Variants in DENND1A observed in about 807,000 individuals in gnomAD.
DENND1A encodes the protein DENN domain-containing protein 1A.
DENND1A carries 51 observed loss-of-function variants against 113.7 expected under a neutral mutation model. That is an observed-to-expected ratio of 0.45 (90% CI 0.36 to 0.57). DENND1A has a LOEUF of 0.57. DENND1A is among the 20% of genes least tolerant of loss of function. DENND1A has a pLI of 0.00. For synonymous variants in DENND1A, 565 were observed against 570.8 expected, an observed-to-expected ratio of 0.99 and a Z score of 0.14; for missense variants, 1,258 against 1,395.9, an observed-to-expected ratio of 0.90 and a Z score of 1.57.
chr9:123,517,253 A>AG lies in DENND1A; in HGVS notation c.993+40316dup, dbSNP rs1054663012. On this transcript the variant is annotated intron_variant, in intron 13 of 23. Transcript: ENST00000394215. ...GGGCAACAGAGCAAGACTCCGTCTC[A>AG]GAAAAAAAAAAAACAAAAAACCCAC... Among the ~76,000 whole-genome samples, 22 of 148,560 alleles carry AG rather than the reference A, an allele frequency of 1.5e-4. No homozygotes were observed. The Middle Eastern group carries it at 0.014, about 95-fold the overall frequency.
intron 21 of DENND1A, among the ~76,000 whole-genome samples, chr9:123,389,092 CA>C (rs1159004743): frequency 6.6e-6 from 1 of 152,114 alleles, no homozygotes; most frequent in Non-Finnish European, 1.5e-5. Context: ...GCAACGTGTC[CA>C]AAAAAAGGAC....
At chr9:123,636,162 T>C (rs913263116) in intron 9 of DENND1A, among the ~76,000 whole-genome samples, 15 of 152,128 alleles carry the variant, frequency 9.9e-5, no homozygotes, top group African/African-American at 3.4e-4. Context: ...ACCACCACTT[T>C]TAGGTCACCC....
At chr9:123,624,687 A>T (rs1408045815) in intron 10 of DENND1A, among the ~76,000 whole-genome samples, 1 of 152,240 alleles carries the variant, frequency 6.6e-6, no homozygotes, top group African/African-American at 2.4e-5. Context: ...GAAATTTAGG[A>T]TGACAAGGAC....
chr9:123,558,258 A>G (rs1225975085), intron 12 of DENND1A, among the ~76,000 whole-genome samples: 3 of 152,208 alleles, frequency 2.0e-5, no homozygotes, highest in Non-Finnish European at 4.4e-5. Flanking sequence ...CCACATTCCA[A>G]TCAAAGTCTT....
rs191897580 is a variant in DENND1A, at chr9:123,457,336, G to A, written c.1186+12C>T. ...GCCTGCAGCCCCGGAAGGAAAATGA[G>A]TTGCTTCTCACCAGCGTACTCGCCC... is the stretch of plus-strand genomic sequence containing the variant. On this transcript the variant is annotated intron_variant, in intron 15 of 23. Coordinates refer to ENST00000394215, the MANE Select transcript of DENND1A (RefSeq NM_001352964.2). The A allele has an allele frequency of 2.3e-5, 37 of 1,609,514 alleles. No individual in the cohort carries two copies. The African/African-American group carries it at 3.5e-4, about 15-fold the overall frequency.
At chr9:123,384,934 C>T (rs986036120) in intron 22 of DENND1A, among the ~76,000 whole-genome samples, 3 of 151,966 alleles carry the variant, frequency 2.0e-5, no homozygotes, top group African/African-American at 7.3e-5. Flanking sequence ...GGCGACAGAG[C>T]GAGACCCTGT....
chr9:123,787,860 T>C lies in DENND1A; in HGVS notation c.132+4727A>G, dbSNP rs188896009. ...TTGTACAAGAAACACTGTTAGTTTC[T>C]ATATAAAGATTTCCATAAAATTGTT... On this transcript the variant is annotated intron_variant, in intron 3 of 23. Coordinates refer to ENST00000394215, the MANE Select transcript of DENND1A (RefSeq NM_001352964.2). Among the ~76,000 whole-genome samples, 237 of 152,314 alleles carry C rather than the reference T, an allele frequency of 1.6e-3. 1 individual carries two copies. Among genetic ancestry groups the C allele is most frequent in the African/African-American group, 5.0e-3 (206 of 41,576 alleles).
intron 5 of DENND1A, among the ~76,000 whole-genome samples, chr9:123,750,192 A>T (rs955978473): frequency 6.6e-6 from 1 of 152,210 alleles, no homozygotes; most frequent in Non-Finnish European, 1.5e-5. Context: ...GTGCAAGGGC[A>T]GTTTCGGCTA....
At chr9:123,482,427 C>G (rs2050422916) in intron 13 of DENND1A, among the ~76,000 whole-genome samples, 1 of 152,204 alleles carries the variant, frequency 6.6e-6, no homozygotes, top group Non-Finnish European at 1.5e-5. Flanking sequence ...CACAAACACA[C>G]ACATGGTCAA....
intron 3 of DENND1A, among the ~76,000 whole-genome samples, chr9:123,782,968 T>G (rs1444460285): frequency 6.6e-6 from 1 of 151,964 alleles, no homozygotes; most frequent in African/African-American, 2.4e-5. Context: ...GTTACACAGT[T>G]GAAAATTATA....
intron 5 of DENND1A, among the ~76,000 whole-genome samples, chr9:123,738,451 G>GTGTA (rs2068738176): frequency 7.0e-6 from 1 of 141,982 alleles, no homozygotes; most frequent in Admixed American, 6.9e-5. Context: ...TTCTGTGTGT[G>GTGTA]TGTGTGTGTG....
intron 7 of DENND1A, among the ~76,000 whole-genome samples, chr9:123,667,954 G>C (rs2063570547): frequency 6.6e-6 from 1 of 152,122 alleles, no homozygotes; most frequent in South Asian, 2.1e-4. Context: ...CTCCTGACTG[G>C]AGACTCAGCG....
At chr9:123,444,545 T>G (rs1011255500) in intron 18 of DENND1A, among the ~76,000 whole-genome samples, 3 of 152,064 alleles carry the variant, frequency 2.0e-5, no homozygotes, top group Non-Finnish European at 4.4e-5. Flanking sequence ...TCCCAGCTAT[T>G]TGGGAGGCTG....
chr9:123,792,165 A>G (rs1833085349), intron 3 of DENND1A, among the ~76,000 whole-genome samples: 1 of 152,148 alleles, frequency 6.6e-6, no homozygotes, highest in Non-Finnish European at 1.5e-5. Flanking sequence ...ACCATAACAC[A>G]TAATTTCATC....
intron 20 of DENND1A, chr9:123,403,700 A>C: frequency 1.8e-6 from 1 of 564,798 alleles, no homozygotes. Flanking sequence ...GCCTATTCAA[A>C]TCAGAAGGGT....
At chr9:123,698,217 G>A (rs573617484) in intron 5 of DENND1A, among the ~76,000 whole-genome samples, 9 of 152,294 alleles carry the variant, frequency 5.9e-5, no homozygotes, top group Middle Eastern at 3.4e-3. Flanking sequence ...CCAAGGAGTC[G>A]TGAGAAGAGA....
intron 22 of DENND1A, among the ~76,000 whole-genome samples, chr9:123,386,084 G>A (rs2042546033): frequency 1.3e-5 from 2 of 152,172 alleles, no homozygotes; most frequent in Non-Finnish European, 2.9e-5. Flanking sequence ...TGATGGAGCT[G>A]GGCCTTGGAC....
chr9:123,490,233 A>T (rs2051252694), intron 13 of DENND1A, among the ~76,000 whole-genome samples: 1 of 152,234 alleles, frequency 6.6e-6, no homozygotes, highest in South Asian at 2.1e-4. Flanking sequence ...GCGACCCACT[A>T]CATTCACAGA....
intron 2 of DENND1A, among the ~76,000 whole-genome samples, chr9:123,833,708 T>G (rs1287290345): frequency 6.6e-6 from 1 of 152,032 alleles, no homozygotes; most frequent in Non-Finnish European, 1.5e-5. Flanking sequence ...ATGAGAGATA[T>G]TCACCTTTCA....
Sources: allele counts gnomAD v4.1 joint callset (sites outside exome capture counted in the v4.1 genomes callset), GRCh38; gene constraint gnomAD v4.1.1; transcripts MANE v1.5; gene names NCBI Gene and HGNC (gene_info 2026-07-23, HGNC 2026-07-21).